The following LIMA1 variants were observed in gnomAD, a reference collection of about 807,000 sequenced individuals.
LIMA1 encodes the protein LIM domain and actin-binding protein 1.
In LIMA1, 52 loss-of-function variants were observed where a neutral mutation model predicts 62.6. The observed-to-expected ratio is 0.83, with a 90% confidence interval of 0.67 to 1.05. The LOEUF is 1.05. Ranked by LOEUF, LIMA1 falls within the 50% of genes least tolerant of loss-of-function variation. The pLI is 0.00. For synonymous variants in LIMA1, 302 were observed against 317.8 expected (o/e 0.95, Z 0.53); for missense variants, 780 against 902.2 (o/e 0.86, Z 1.74).
intron 1 of LIMA1, among the ~76,000 whole-genome samples, chr12:50,279,597 G>C (rs753544184): frequency 2.0e-5 from 3 of 152,122 alleles, no homozygotes; most frequent in Non-Finnish European, 4.4e-5. Flanking sequence ...TGAGTTAATG[G>C]ATCATGGGAG....
chr12:50,185,536 G>A, intron 9 of LIMA1: 1 of 449,946 alleles, frequency 2.2e-6, no homozygotes, highest in Non-Finnish European at 4.5e-6. Flanking sequence ...GAAACTCAGA[G>A]ACTCAGATCC....
intron 9 of LIMA1, chr12:50,191,364 A>AAAC (rs1182288495): frequency 2.7e-5 from 4 of 148,926 alleles, no homozygotes; most frequent in African/African-American, 7.4e-5. Flanking sequence ...CATCTCTTAA[A>AAAC]AAAAAAAAAA....
intron 2 of LIMA1, among the ~76,000 whole-genome samples, chr12:50,246,231 CAAAAA>C (rs923214910): frequency 1.9e-5 from 1 of 51,360 alleles, no homozygotes; most frequent in Non-Finnish European, 4.1e-5. Context: ...GACTCCATCT[CAAAAA>C]AAAAAAAAAA....
At chr12:50,274,024 G>C (rs1226868319) in intron 1 of LIMA1, among the ~76,000 whole-genome samples, 1 of 152,142 alleles carries the variant, frequency 6.6e-6, no homozygotes, top group Non-Finnish European at 1.5e-5. Context: ...CACTCAGATG[G>C]AACTTAATCC....
At chr12:50,209,864 T>C (rs1941222839) in intron 4 of LIMA1, among the ~76,000 whole-genome samples, 1 of 151,822 alleles carries the variant, frequency 6.6e-6, no homozygotes, top group Non-Finnish European at 1.5e-5. Flanking sequence ...GGTTTCACCA[T>C]GTTGGTCAAG....
intron 2 of LIMA1, 68 bp downstream of exon 2, chr12:50,248,565 A>G: frequency 1.0e-6 from 1 of 967,664 alleles, no homozygotes; most frequent in Non-Finnish European, 1.7e-6. Flanking sequence ...TTCCTTCACC[A>G]ATTTCCCTGA....
At chr12:50,264,681 C>T (rs1479057678) in intron 1 of LIMA1, among the ~76,000 whole-genome samples, 1 of 152,176 alleles carries the variant, frequency 6.6e-6, no homozygotes, top group Non-Finnish European at 1.5e-5. Flanking sequence ...TAAAACAGTG[C>T]CCAGCACATT....
chr12:50,219,999 A>G (rs895773143), intron 4 of LIMA1, among the ~76,000 whole-genome samples: 1 of 151,410 alleles, frequency 6.6e-6, no homozygotes, highest in Non-Finnish European at 1.5e-5. Flanking sequence ...CCATCTTCCT[A>G]TACCTTTAGC....
intron 3 of LIMA1, among the ~76,000 whole-genome samples, chr12:50,226,754 G>A (rs895968514): frequency 7.9e-5 from 12 of 151,392 alleles, no homozygotes; most frequent in South Asian, 2.1e-4. Flanking sequence ...CAGGAGAATC[G>A]CTTGAACCCG....
At chr12:50,231,839 C>A in intron 2 of LIMA1, 129 bp from the exon 3 acceptor site, 1 of 776,712 alleles carries the variant, frequency 1.3e-6, no homozygotes. Flanking sequence ...GCGATCTCGG[C>A]TCACTGCAAC....
intron 2 of LIMA1, among the ~76,000 whole-genome samples, chr12:50,232,719 G>A (rs528454899): frequency 6.6e-6 from 1 of 152,330 alleles, no homozygotes; most frequent in African/African-American, 2.4e-5. Flanking sequence ...TGGGTGAAGT[G>A]GCTCATGCCT....
intron 10 of LIMA1, among the ~76,000 whole-genome samples, chr12:50,179,524 G>A (rs1296534311): frequency 3.3e-4 from 49 of 148,068 alleles, no homozygotes; most frequent in African/African-American, 1.1e-3. Flanking sequence ...TGCAAGCTCC[G>A]CCTCCCAGGT....
chr12:50,178,743 T>C (rs1050930729), intron 10 of LIMA1, among the ~76,000 whole-genome samples: 1 of 151,922 alleles, frequency 6.6e-6, no homozygotes, highest in Admixed American at 6.6e-5. Context: ...CCTTGGAATG[T>C]ACCAATCTGT....
At position 50,176,904 on chromosome 12, in the gene LIMA1, T is replaced by G; in HGVS notation, c.*160A>C. ...TTAGAATGTGTTTTTTGTGTTTTTT[T>G]GTTTTGTTTTTGATTTTAAGAAGGA... On this transcript the variant is annotated 3_prime_UTR_variant, in exon 11 of 11. Transcript: ENST00000341247. The G allele has an allele frequency of 1.6e-6, 1 of 610,558 alleles. No individual in the cohort carries two copies. Among genetic ancestry groups the G allele is most frequent in the Admixed American group, 2.9e-5 (1 of 34,110 alleles). The allele number at this position is 610,558 out of a possible 1,614,324, so 37.8% of individuals were successfully genotyped here. A position where few individuals can be genotyped will look rare whatever the true frequency, so the allele number is the denominator to read the frequency against.
chr12:50,223,199 T>C lies in LIMA1; in HGVS notation c.166-714A>G, dbSNP rs565648367. Reference sequence around the variant, plus strand: ...TTATCTGTGTATAAATTCTCACTTATCAGGGCCAGGCACGGTGGCTCACGC... The same window carrying C: ...TTATCTGTGTATAAATTCTCACTTACCAGGGCCAGGCACGGTGGCTCACGC... On this transcript the variant is annotated intron_variant, in intron 3 of 10. Transcript: ENST00000341247. Among the ~76,000 whole-genome samples the C allele has an allele frequency of 2.6e-5, 4 of 152,188 alleles. No homozygotes were observed. In the South Asian group the frequency reaches 6.2e-4, roughly 24 times the overall value.
Position 50,192,511 on chromosome 12 carries a change from G to GT in LIMA1, c.1080dup (p.Leu361ThrfsTer12). 6.2e-7 allele frequency: 1 copy of GT among 1,614,182 alleles called. No homozygotes were observed. The highest frequency in any genetic ancestry group is 2.2e-5 in the East Asian group (1 of 44,892). On this transcript the variant is annotated frameshift_variant, in exon 9 of 11. Transcript: ENST00000341247. LOFTEE classifies it high-confidence loss of function. ...CTGGAGGCTCTGGAATCTGGACTTAGTGGCTTGGGATGGACAGGCTGTTGA... is the reference window on the plus strand; with the variant it reads ...CTGGAGGCTCTGGAATCTGGACTTAGTTGGCTTGGGATGGACAGGCTGTTGA...
In LIMA1 at chr12:50,177,418, A is replaced by G. The variant is rs770259038; in HGVS notation, c.1926T>C (p.Ser642=). ...ERKQVENAKA[S]KKNGNVGKTT... is the part of the protein sequence containing the mutation. ...TTTTTCCCACATTCCCATTCTTCTT[A>G]GAAGCCTTGGCATTTTCCACTTGTT... The change falls in exon 11 of 11, where the codon TCT becomes TCC. Residue 642 remains serine, a synonymous_variant. Transcript: ENST00000341247. 1.9e-6 allele frequency: 3 copies of G among 1,614,090 alleles called. No homozygotes were observed. Among genetic ancestry groups the G allele is most frequent in the Non-Finnish European group, 2.5e-6 (3 of 1,180,034 alleles).
At chr12:50,246,242 A>T (rs1431309964) in intron 2 of LIMA1, among the ~76,000 whole-genome samples, 1 of 151,458 alleles carries the variant, frequency 6.6e-6, no homozygotes, top group Non-Finnish European at 1.5e-5. Context: ...AAAAAAAAAA[A>T]AAAAAAAAGA....
Position 50,184,067 on chromosome 12 carries a change from G to A in LIMA1, c.1141-2030C>T, listed in dbSNP as rs376293920. ...TAAGAAGGAAGGAACAAAGCTGAGT[G>A]GAAATGGCTAGTTACCAGGACTCTG... On this transcript the variant is annotated intron_variant, in intron 9 of 10. Transcript: ENST00000341247. 5.9e-5 allele frequency among the ~76,000 whole-genome samples: 9 copies of A among 152,192 alleles called. No homozygotes were observed. The East Asian group carries it at 1.7e-3, about 29-fold the overall frequency.
Sources: gnomAD v4.1 joint callset for allele counts (sites outside exome capture counted in the v4.1 genomes callset) on GRCh38, gnomAD v4.1.1 for gene constraint, MANE v1.5 for transcripts, NCBI Gene and HGNC (gene_info 2026-07-23, HGNC 2026-07-21) for gene names.